The following ROBO2 variants were observed in gnomAD, a reference collection of about 807,000 sequenced individuals.
ROBO2 encodes roundabout guidance receptor 2.
A neutral mutation model predicts 160.8 loss-of-function variants in ROBO2; 53 were observed. The ratio of observed to expected loss-of-function variants is 0.33; its 90% CI spans 0.26 to 0.41. The LOEUF (loss-of-function observed/expected upper bound fraction) is 0.41, where lower values mean the gene tolerates loss of function less well. Among genes scored for constraint, ROBO2 ranks in the 10% least tolerant of loss-of-function variants. ROBO2 has a pLI of 1.00. For missense variants in ROBO2, 1,577 were observed against 1,722.4 expected, an observed-to-expected ratio of 0.92 and a Z score of 1.49; for synonymous variants, 664 against 611.7, an observed-to-expected ratio of 1.09 and a Z score of -1.26.
intron 2 of ROBO2, among the ~76,000 whole-genome samples, chr3:76,242,621 C>T (rs184014168): frequency 6.6e-6 from 1 of 152,254 alleles, no homozygotes; most frequent in East Asian, 1.9e-4. Flanking sequence ...CGTGGTGGCT[C>T]GGTCTTGCAA....
intron 2 of ROBO2, among the ~76,000 whole-genome samples, chr3:76,354,106 C>T (rs1323312453): frequency 6.6e-6 from 1 of 151,890 alleles, no homozygotes; most frequent in Non-Finnish European, 1.5e-5. Flanking sequence ...ACTCCCAATT[C>T]AAGGCATTCA....
At chr3:77,160,861 G>C (rs2078426800) in intron 2 of ROBO2, among the ~76,000 whole-genome samples, 1 of 152,152 alleles carries the variant, frequency 6.6e-6, no homozygotes, top group African/African-American at 2.4e-5. Flanking sequence ...CATAGAACTT[G>C]AGTGTAAAAT....
chr3:77,282,523 T>C (rs1052125964), intron 2 of ROBO2, among the ~76,000 whole-genome samples: 7 of 152,070 alleles, frequency 4.6e-5, no homozygotes, highest in Middle Eastern at 3.4e-3. Flanking sequence ...ATCTTAATGG[T>C]AGGGACAGAT....
chr3:76,085,093 C>T lies in ROBO2; in HGVS notation c.109+147491C>T, dbSNP rs2068962206. Among the ~76,000 whole-genome samples, 3 of 145,290 alleles carry T rather than the reference C, an allele frequency of 2.1e-5. No individual in the cohort carries two copies. In the South Asian group the frequency reaches 6.8e-4, roughly 33 times the overall value. On this transcript the variant is annotated intron_variant, in intron 2 of 26. Coordinates refer to the ROBO2 transcript ENST00000487694. The stretch of plus-strand genomic sequence containing the variant: ...TTCAGAGTTTGTGTAACACAAACCC[C>T]CCAGTTTACATATATATATATATAC...
At chr3:76,446,509 A>G (rs1205581415) in intron 2 of ROBO2, among the ~76,000 whole-genome samples, 1 of 152,128 alleles carries the variant, frequency 6.6e-6, no homozygotes, top group East Asian at 1.9e-4. Flanking sequence ...CAAGCTACCA[A>G]TGACTTTCTT....
At chr3:77,036,863 A>AT (rs111659836), upstream of ROBO2, among the ~76,000 whole-genome samples, 2,283 of 140,516 alleles carry the variant, frequency 0.016, 22 homozygotes, top group East Asian at 0.038. Context: ...GAAAACCTTA[A>AT]TTTTTTTTTT....
chr3:77,477,160 AT>A (rs556649321), intron 2 of ROBO2, among the ~76,000 whole-genome samples: 2 of 152,168 alleles, frequency 1.3e-5, no homozygotes, highest in East Asian at 1.9e-4. Flanking sequence ...AATATTTCTC[AT>A]TTTTTTGACT....
At position 76,871,561 on chromosome 3, in the gene ROBO2, G is replaced by T. The variant is rs4856056; in HGVS notation, c.110-226453G>T. ...AGAGCGAGACTCCGTCTCAAAAAAA[G>T]AAAAAAAAAGAAAAAGAAAAATACC... On this transcript the variant is annotated intron_variant, in intron 2 of 26. Transcript: ENST00000487694. Among the ~76,000 whole-genome samples, 3 of 145,314 alleles carry T rather than the reference G, an allele frequency of 2.1e-5. No homozygotes were observed. The South Asian group carries it at 6.4e-4, about 31-fold the overall frequency.
chr3:76,336,128 T>C, intron 2 of ROBO2, among the ~76,000 whole-genome samples: 1 of 152,214 alleles, frequency 6.6e-6, no homozygotes, highest in East Asian at 1.9e-4. Context: ...TCATAGGCTC[T>C]TTCTGTGTTA....
At chr3:77,122,071 G>A (rs1171354949) in intron 2 of ROBO2, among the ~76,000 whole-genome samples, 2 of 152,132 alleles carry the variant, frequency 1.3e-5, no homozygotes, top group East Asian at 3.9e-4. Context: ...TATCTAGAGT[G>A]TTTAATGTAA....
intron 2 of ROBO2, among the ~76,000 whole-genome samples, chr3:76,947,719 T>C (rs1362048195): frequency 6.6e-6 from 1 of 152,188 alleles, no homozygotes; most frequent in East Asian, 1.9e-4. Flanking sequence ...CTGGTTTTTT[T>C]CTTAGTTAAC....
chr3:76,060,613 AT>A (rs1559877646), intron 2 of ROBO2, among the ~76,000 whole-genome samples: 2 of 152,202 alleles, frequency 1.3e-5, no homozygotes, highest in South Asian at 4.1e-4. Flanking sequence ...ATCCCTAACA[AT>A]GGGAAGTATA....
chr3:76,686,883 T>G (rs777402377), intron 2 of ROBO2, among the ~76,000 whole-genome samples: 83 of 152,208 alleles, frequency 5.5e-4, no homozygotes, highest in South Asian at 4.1e-4. Flanking sequence ...ACCTGACCCA[T>G]TTCTGTTTTG....
intron 2 of ROBO2, among the ~76,000 whole-genome samples, chr3:76,912,507 T>C (rs2076053186): frequency 6.6e-6 from 1 of 152,156 alleles, no homozygotes; most frequent in African/African-American, 2.4e-5. Context: ...TAAAATATTT[T>C]ACAAGCCTAT....
At chr3:76,813,308 C>T (rs1306286424) in intron 2 of ROBO2, among the ~76,000 whole-genome samples, 1 of 152,074 alleles carries the variant, frequency 6.6e-6, no homozygotes, top group Non-Finnish European at 1.5e-5. Flanking sequence ...ATTTACTAAT[C>T]TGTAGCTAAT....
At chr3:76,435,507 C>T in intron 2 of ROBO2, 1 of 649,324 alleles carries the variant, frequency 1.5e-6, no homozygotes, top group Admixed American at 2.4e-5. Flanking sequence ...TTCGCGATTT[C>T]CTCTACCTTG....
chr3:76,922,971 C>T (rs1246929493), intron 2 of ROBO2, among the ~76,000 whole-genome samples: 2 of 152,200 alleles, frequency 1.3e-5, no homozygotes, highest in Non-Finnish European at 2.9e-5. Flanking sequence ...AGGAATTCAT[C>T]TTTTATCCGC....
At chr3:76,924,052 G>C (rs2076832157) in intron 2 of ROBO2, among the ~76,000 whole-genome samples, 1 of 152,202 alleles carries the variant, frequency 6.6e-6, no homozygotes, top group East Asian at 1.9e-4. Context: ...ACTTCTCCGT[G>C]AATAAACTGC....
intron 2 of ROBO2, among the ~76,000 whole-genome samples, chr3:76,519,780 CT>C (rs1488485902): frequency 6.6e-6 from 1 of 152,110 alleles, no homozygotes; most frequent in Non-Finnish European, 1.5e-5. Flanking sequence ...TTTAAGACTC[CT>C]TTTTTCTTAA....
Sources: allele counts gnomAD v4.1 joint callset (sites outside exome capture counted in the v4.1 genomes callset), GRCh38; gene constraint gnomAD v4.1.1; transcripts MANE v1.5; gene names NCBI Gene and HGNC (gene_info 2026-07-23, HGNC 2026-07-21).